The following KCNG2 variants were observed in gnomAD, a reference collection of about 807,000 sequenced individuals.
KCNG2 encodes the protein potassium voltage-gated channel modifier subfamily G member 2.
In KCNG2, 7 loss-of-function variants were observed where a neutral mutation model predicts 12.3. That is an observed-to-expected ratio of 0.57 (90% CI 0.32 to 1.07). KCNG2 has a LOEUF of 1.07. Ranked by LOEUF, KCNG2 falls within the 50% of genes least tolerant of loss-of-function variation. The pLI is 0.04. For missense variants in KCNG2, 703 were observed against 726.0 expected (o/e 0.97, Z 0.36); for synonymous variants, 414 against 351.4 (o/e 1.18, Z -1.99).
At chr18:79,802,729 C>T (rs1599360095) in intron 1 of KCNG2, among the ~76,000 whole-genome samples, 1 of 146,910 alleles carries the variant, frequency 6.8e-6, no homozygotes, top group South Asian at 2.1e-4. Context: ...GAGTTCCTGG[C>T]TTTTTTTTTT....
intron 1 of KCNG2, among the ~76,000 whole-genome samples, chr18:79,842,485 C>A (rs746164764): frequency 5.8e-4 from 88 of 152,266 alleles, no homozygotes; most frequent in Middle Eastern, 3.4e-3. Context: ...ACCAAATACA[C>A]AAAATAAAGC....
At chr18:79,896,194 G>C (rs1980968791) in intron 3 of KCNG2, among the ~76,000 whole-genome samples, 1 of 152,164 alleles carries the variant, frequency 6.6e-6, no homozygotes, top group Non-Finnish European at 1.5e-5. Context: ...TAGAACCCCT[G>C]ACCTCAGGTG....
chr18:79,888,233 G>A (rs1440706221), intron 3 of KCNG2, among the ~76,000 whole-genome samples: 9 of 152,194 alleles, frequency 5.9e-5, no homozygotes, highest in Admixed American at 3.3e-4. Flanking sequence ...TGGGGACCAC[G>A]TTTGGGGTGG....
intron 2 of KCNG2, among the ~76,000 whole-genome samples, chr18:79,856,777 C>T (rs377284724): frequency 6.6e-6 from 1 of 152,008 alleles, no homozygotes; most frequent in African/African-American, 2.4e-5. Flanking sequence ...CTGCTTATTC[C>T]GGGCAGTTTC....
At chr18:79,814,489 A>C (rs906894519) in intron 1 of KCNG2, among the ~76,000 whole-genome samples, 8 of 152,238 alleles carry the variant, frequency 5.3e-5, no homozygotes, top group African/African-American at 1.9e-4. Context: ...GCCAGTCTCA[A>C]AATAATCAGA....
chr18:79,894,114 T>C (rs1158664183), intron 3 of KCNG2, among the ~76,000 whole-genome samples: 3 of 152,122 alleles, frequency 2.0e-5, no homozygotes, highest in Non-Finnish European at 4.4e-5. Context: ...ATGATTGATA[T>C]AGCTGGGTCT....
intron 3 of KCNG2, among the ~76,000 whole-genome samples, chr18:79,866,494 AG>A: frequency 4.7e-5 from 5 of 107,076 alleles, no homozygotes; most frequent in African/African-American, 1.9e-4. Context: ...CTGTGTGCTG[AG>A]AGGTCTGGGT....
intron 3 of KCNG2, among the ~76,000 whole-genome samples, chr18:79,872,229 C>CA (rs747975244): frequency 0.022 from 1,754 of 81,416 alleles, 43 homozygotes; most frequent in African/African-American, 0.073. Flanking sequence ...TTTAGTCTGG[C>CA]AAAAAAAAAA....
intron 1 of KCNG2, among the ~76,000 whole-genome samples, chr18:79,814,059 C>T (rs1448822491): frequency 1.3e-5 from 2 of 152,216 alleles, no homozygotes; most frequent in Admixed American, 1.3e-4. Flanking sequence ...TGTGCCCCTA[C>T]ACATCTACCA....
intron 3 of KCNG2, among the ~76,000 whole-genome samples, chr18:79,898,372 GT>G (rs1353444311): frequency 1.3e-5 from 2 of 152,238 alleles, no homozygotes; most frequent in Non-Finnish European, 2.9e-5. Flanking sequence ...AGCAAGGGCA[GT>G]CAGGCCCTGC....
At chr18:79,828,984 TGC>T (rs1978288852) in intron 1 of KCNG2, among the ~76,000 whole-genome samples, 1 of 121,460 alleles carries the variant, frequency 8.2e-6, no homozygotes, top group Non-Finnish European at 1.7e-5. Flanking sequence ...TGTCTATGTG[TGC>T]GTGTGTGTAA....
chr18:79,880,306 G>C (rs897846399), intron 3 of KCNG2, among the ~76,000 whole-genome samples: 9 of 112,338 alleles, frequency 8.0e-5, no homozygotes, highest in African/African-American at 2.7e-4. Flanking sequence ...GACAGAGTGA[G>C]ACTCTGTCTC....
At chr18:79,860,982 C>A (rs1252445145) in intron 2 of KCNG2, among the ~76,000 whole-genome samples, 2 of 152,108 alleles carry the variant, frequency 1.3e-5, no homozygotes, top group Non-Finnish European at 2.9e-5. Context: ...GGAGGAAGTT[C>A]TCTTTTAGAC....
intron 3 of KCNG2, among the ~76,000 whole-genome samples, chr18:79,883,471 G>T (rs992410641): frequency 7.9e-5 from 12 of 152,244 alleles, no homozygotes; most frequent in African/African-American, 2.9e-4. Context: ...CTAGGTCAAA[G>T]TGCACACAGT....
chr18:79,870,843 G>A (rs1315198285), intron 3 of KCNG2, among the ~76,000 whole-genome samples: 2 of 152,206 alleles, frequency 1.3e-5, no homozygotes, highest in African/African-American at 2.4e-5. Flanking sequence ...CACAGACACC[G>A]AGTTGTGTCA....
At chr18:79,818,889 G>A (rs541647173) in intron 1 of KCNG2, among the ~76,000 whole-genome samples, 71 of 152,262 alleles carry the variant, frequency 4.7e-4, no homozygotes, top group African/African-American at 1.6e-3. Flanking sequence ...ATGAAGAGCC[G>A]AAGGTCCGCA....
chr18:79,804,388 GA>G (rs1255005532), intron 1 of KCNG2, among the ~76,000 whole-genome samples: 3 of 152,216 alleles, frequency 2.0e-5, no homozygotes, highest in Non-Finnish European at 2.9e-5. Flanking sequence ...CTCCAGGGGG[GA>G]CTCAGCACCC....
rs555232328 is a variant in KCNG2, at chr18:79,841,242, T to C, written c.-114-15137T>C. ...GCTGTATAGAGGCTGCAGCAAGCCA[T>C]GATCACACCATTGCACTGGTGTTGC... On this transcript the variant is annotated intron_variant, in intron 1 of 3. Transcript: ENST00000316249. 1.4e-4 allele frequency among the ~76,000 whole-genome samples: 21 copies of C among 152,248 alleles called. No homozygotes were observed. The South Asian group carries it at 4.1e-3, about 30-fold the overall frequency.
In KCNG2 at chr18:79,863,901, CCG is replaced by C; in HGVS notation, c.238_239del (p.Ala80HisfsTer175). On this transcript the variant is annotated frameshift_variant, in exon 3 of 4. Transcript: ENST00000316249. LOFTEE classifies it high-confidence loss of function. The part of the protein sequence containing the change: ...FFFDRSPCAF[R>X]AIVALLRAGK... ...TCTTCGACCGCAGCCCGTGCGCCTT[CCG>C]CGCCATCGTGGCGCTTTTGCGCGCA... The C allele has an allele frequency of 6.9e-7, 1 of 1,442,506 alleles. No homozygotes were observed. The allele number at this position is 1,442,506 out of a possible 1,614,324, so 89.4% of individuals were successfully genotyped here.
Sources: gnomAD v4.1 joint callset for allele counts (sites outside exome capture counted in the v4.1 genomes callset) on GRCh38, gnomAD v4.1.1 for gene constraint, MANE v1.5 for transcripts, NCBI Gene and HGNC (gene_info 2026-07-23, HGNC 2026-07-21) for gene names.